The following CHN1 variants were observed in gnomAD, a reference collection of about 807,000 sequenced individuals.
CHN1 encodes N-chimaerin.
CHN1 carries 37 observed loss-of-function variants against 59.5 expected under a neutral mutation model. The observed-to-expected ratio is 0.62, with a 90% CI of 0.48 to 0.82. The LOEUF (loss-of-function observed/expected upper bound fraction) is 0.82, where lower values mean the gene tolerates loss of function less well. Among genes scored for constraint, CHN1 ranks in the 40% least tolerant of loss-of-function variants. The pLI is 0.00. For missense variants in CHN1, 469 were observed against 571.0 expected (o/e 0.82, Z 1.82); for synonymous variants, 206 against 200.4 (o/e 1.03, Z -0.24).
chr2:174,901,975 T>A (rs1688399723), intron 5 of CHN1, among the ~76,000 whole-genome samples: 1 of 152,108 alleles, frequency 6.6e-6, no homozygotes, highest in African/African-American at 2.4e-5. Flanking sequence ...CACAGCTAAC[T>A]GAAAAAAAGC....
Position 175,005,285 on chromosome 2 carries a change from G to C in CHN1, c.-373C>G, listed in dbSNP as rs1041291567. The C allele has an allele frequency of 9.3e-6, 11 of 1,181,402 alleles. No individual in the cohort carries two copies. The highest frequency in any genetic ancestry group is 4.2e-5 in the Admixed American group (1 of 23,838). The allele number at this position is 1,181,402 out of a possible 1,614,324, so 73.2% of individuals were successfully genotyped here. A position where few individuals can be genotyped will look rare whatever the true frequency, so the allele number is the denominator to read the frequency against. ...CACTGGCGGCGGCGGCGGCGGCGAC[G>C]GGGAGAGCAGCAGCAGCCTCGCACA... On this transcript the variant is annotated 5_prime_UTR_variant, in exon 1 of 13. Transcript: ENST00000409900.
chr2:174,995,593 CG>C (rs1691682734), intron 1 of CHN1, among the ~76,000 whole-genome samples: 1 of 152,168 alleles, frequency 6.6e-6, no homozygotes, highest in Non-Finnish European at 1.5e-5. Flanking sequence ...ATACGGTTCA[CG>C]CTCCTATGAG....
At chr2:174,855,513 C>T (rs1686873494) in intron 6 of CHN1, among the ~76,000 whole-genome samples, 1 of 152,146 alleles carries the variant, frequency 6.6e-6, no homozygotes, top group South Asian at 2.1e-4. Flanking sequence ...GCAAATTCAA[C>T]TCAACTTAGA....
At chr2:174,871,623 T>C (rs1472352467) in intron 6 of CHN1, among the ~76,000 whole-genome samples, 1 of 152,136 alleles carries the variant, frequency 6.6e-6, no homozygotes, top group African/African-American at 2.4e-5. Flanking sequence ...TCTACAAAGG[T>C]GTTTTCTGTG....
intron 1 of CHN1, among the ~76,000 whole-genome samples, chr2:174,969,873 T>C (rs1216866237): frequency 6.6e-6 from 1 of 152,188 alleles, no homozygotes; most frequent in Non-Finnish European, 1.5e-5. Flanking sequence ...GTGTGGTCTG[T>C]AAACACTTGT....
At chr2:174,941,061 T>C (rs547695260) in intron 3 of CHN1, among the ~76,000 whole-genome samples, 2 of 152,338 alleles carry the variant, frequency 1.3e-5, no homozygotes, top group African/African-American at 4.8e-5. Context: ...ACTTACAAAT[T>C]CTCTCTCACA....
intron 1 of CHN1, among the ~76,000 whole-genome samples, chr2:174,998,510 CG>C (rs1475845218): frequency 1.3e-5 from 2 of 152,006 alleles, no homozygotes; most frequent in Non-Finnish European, 2.9e-5. Flanking sequence ...CCTTACTCCA[CG>C]GAACATATGC....
At chr2:174,967,438 A>G (rs1301956167) in intron 1 of CHN1, among the ~76,000 whole-genome samples, 1 of 152,218 alleles carries the variant, frequency 6.6e-6, no homozygotes, top group Admixed American at 6.5e-5. Context: ...ACTACGTTAT[A>G]TATGTTTTAC....
At chr2:175,002,605 C>G (rs1290984414) in intron 1 of CHN1, among the ~76,000 whole-genome samples, 1 of 152,142 alleles carries the variant, frequency 6.6e-6, no homozygotes, top group Non-Finnish European at 1.5e-5. Context: ...AAATGTAAAA[C>G]ACAAAGCAAA....
chr2:174,838,526 G>GTATT (rs1686174249), intron 7 of CHN1, among the ~76,000 whole-genome samples: 1 of 152,148 alleles, frequency 6.6e-6, no homozygotes, highest in Non-Finnish European at 1.5e-5. Flanking sequence ...ATTACATATG[G>GTATT]TATTTCTCCT....
chr2:174,932,639 A>G (rs1689384199), intron 3 of CHN1, among the ~76,000 whole-genome samples: 1 of 152,074 alleles, frequency 6.6e-6, no homozygotes, highest in African/African-American at 2.4e-5. Context: ...CCAATGTTGG[A>G]GGTGGGGACT....
chr2:174,846,413 A>T, intron 7 of CHN1: 2 of 1,543,124 alleles, frequency 1.3e-6, no homozygotes, highest in Non-Finnish European at 1.7e-6. Context: ...TGGTCAATTC[A>T]TTAACAGGGG....
At chr2:174,927,260 A>G (rs1689198042) in intron 3 of CHN1, among the ~76,000 whole-genome samples, 1 of 152,046 alleles carries the variant, frequency 6.6e-6, no homozygotes, top group Admixed American at 6.6e-5. Context: ...ATTTTGCCAC[A>G]TTGCCTAGAC....
intron 8 of CHN1, among the ~76,000 whole-genome samples, chr2:174,814,777 A>G (rs1685190730): frequency 6.6e-6 from 1 of 152,222 alleles, no homozygotes; most frequent in South Asian, 2.1e-4. Flanking sequence ...ACTCAAGGCT[A>G]AAAATTTCAT....
chr2:174,986,500 T>G (rs1478787696), intron 1 of CHN1, among the ~76,000 whole-genome samples: 1 of 151,826 alleles, frequency 6.6e-6, no homozygotes, highest in Non-Finnish European at 1.5e-5. Context: ...CACCCCAGAG[T>G]CACAATGTCC....
At chr2:174,861,153 T>C (rs1687055839) in intron 6 of CHN1, among the ~76,000 whole-genome samples, 1 of 152,206 alleles carries the variant, frequency 6.6e-6, no homozygotes, top group African/African-American at 2.4e-5. Context: ...TTACTAGTTA[T>C]GGGATCTTAG....
intron 5 of CHN1, among the ~76,000 whole-genome samples, chr2:174,908,679 T>C (rs2105364156): frequency 6.6e-6 from 1 of 152,370 alleles, no homozygotes; most frequent in African/African-American, 2.4e-5. Flanking sequence ...CAATGTCTTC[T>C]TTCTTGACCC....
intron 4 of CHN1, among the ~76,000 whole-genome samples, chr2:174,916,702 A>G (rs1688857951): frequency 6.6e-6 from 1 of 152,190 alleles, no homozygotes; most frequent in African/African-American, 2.4e-5. Context: ...CTAGGTTTAC[A>G]ATGGGCTCCT....
chr2:174,826,275 T>TACTC (rs1360453010), intron 7 of CHN1, among the ~76,000 whole-genome samples: 4 of 152,240 alleles, frequency 2.6e-5, no homozygotes, highest in Non-Finnish European at 5.9e-5. Context: ...AACATCCAGA[T>TACTC]ACTCTGTAAT....
Sources: gnomAD v4.1 joint callset for allele counts (sites outside exome capture counted in the v4.1 genomes callset) on GRCh38, gnomAD v4.1.1 for gene constraint, MANE v1.5 for transcripts, NCBI Gene and HGNC (gene_info 2026-07-23, HGNC 2026-07-21) for gene names.